ITGBL1: variants seen among roughly 807,000 people sequenced by gnomAD.
ITGBL1 encodes the protein integrin subunit beta like 1, also known as integrin beta-like protein 1.
In ITGBL1, 51 loss-of-function variants were observed where a neutral mutation model predicts 68.5. The observed-to-expected ratio is 0.74, with a 90% CI of 0.59 to 0.94. The LOEUF (loss-of-function observed/expected upper bound fraction) is 0.94. Among genes scored for constraint, ITGBL1 ranks in the 40% least tolerant of loss-of-function variants. The pLI is 0.00. For synonymous variants in ITGBL1, 209 were observed against 227.3 expected (o/e 0.92, Z 0.72); for missense variants, 649 against 647.4 (o/e 1.00, Z -0.03).
At chr13:101,453,779 G>A in intron 1 of ITGBL1, 104 bp from the exon 2 acceptor site, 1 of 675,312 alleles carries the variant, frequency 1.5e-6, no homozygotes, top group Non-Finnish European at 2.0e-6. Flanking sequence ...TCTTGGGGTT[G>A]TACGTCTGCA....
chr13:101,715,699 T>C lies in ITGBL1; in HGVS notation c.*45T>C, dbSNP rs748962462. 8.5e-6 allele frequency: 11 copies of C among 1,289,650 alleles called. No homozygotes were observed. Among genetic ancestry groups the C allele is most frequent in the East Asian group, 2.3e-5 (1 of 43,456 alleles). The allele number at this position is 1,289,650 out of a possible 1,614,324, so 79.9% of individuals were successfully genotyped here. A position where few individuals can be genotyped will look rare whatever the true frequency, so the allele number is the denominator to read the frequency against. ...TGGATTCTTATTTTTTCTGGGCCAT[T>C]AGAACAGATAAATGCGAAGGAAACC... On this transcript the variant is annotated 3_prime_UTR_variant, in exon 11 of 11. Transcript: ENST00000376180.
At chr13:101,567,250 G>A (rs1414849774) in intron 2 of ITGBL1, among the ~76,000 whole-genome samples, 13 of 152,014 alleles carry the variant, frequency 8.6e-5, no homozygotes, top group Non-Finnish European at 2.9e-5. Flanking sequence ...TGCTTAATTC[G>A]AGTTAACAGT....
At chr13:101,676,072 G>C (rs974583053) in intron 7 of ITGBL1, among the ~76,000 whole-genome samples, 6 of 107,198 alleles carry the variant, frequency 5.6e-5, no homozygotes, top group African/African-American at 1.6e-4. Context: ...AAAAGTAATA[G>C]ATATTTTAGT....
chr13:101,577,729 T>C (rs1398740195), intron 4 of ITGBL1, among the ~76,000 whole-genome samples: 1 of 152,158 alleles, frequency 6.6e-6, no homozygotes, highest in Non-Finnish European at 1.5e-5. Flanking sequence ...GCAATTAATA[T>C]ACACTATTGC....
chr13:101,484,846 A>C (rs1453418533), intron 2 of ITGBL1, among the ~76,000 whole-genome samples: 2 of 152,130 alleles, frequency 1.3e-5, no homozygotes, highest in Non-Finnish European at 2.9e-5. Flanking sequence ...AATTTGATGA[A>C]CATTGTATAT....
chr13:101,503,212 C>A (rs1271178683), intron 2 of ITGBL1, among the ~76,000 whole-genome samples: 1 of 152,232 alleles, frequency 6.6e-6, no homozygotes, highest in East Asian at 1.9e-4. Flanking sequence ...ATCTGGATCT[C>A]CTGAAAAAAT....
At chr13:101,552,519 A>G (rs113526768) in intron 2 of ITGBL1, among the ~76,000 whole-genome samples, 3 of 152,206 alleles carry the variant, frequency 2.0e-5, no homozygotes, top group Non-Finnish European at 2.9e-5. Context: ...GTTTTGTAGG[A>G]AAACTCTTGC....
chr13:101,532,071 A>T (rs2049492951), intron 2 of ITGBL1, among the ~76,000 whole-genome samples: 2 of 152,088 alleles, frequency 1.3e-5, no homozygotes, highest in Non-Finnish European at 1.5e-5. Flanking sequence ...AATATTCAAG[A>T]CATACAACAT....
At chr13:101,593,273 T>A (rs577846181) in intron 6 of ITGBL1, among the ~76,000 whole-genome samples, 20 of 151,964 alleles carry the variant, frequency 1.3e-4, no homozygotes, top group African/African-American at 4.6e-4. Flanking sequence ...AGAAAACAAA[T>A]GTTGGCAAGG....
intron 2 of ITGBL1, among the ~76,000 whole-genome samples, chr13:101,456,623 G>A (rs553960359): frequency 2.0e-4 from 30 of 152,242 alleles, no homozygotes; most frequent in East Asian, 1.9e-4. Flanking sequence ...GATTAAAAGT[G>A]TGGGCTCTGG....
At chr13:101,550,006 G>C (rs772984559) in intron 2 of ITGBL1, among the ~76,000 whole-genome samples, 28 of 152,050 alleles carry the variant, frequency 1.8e-4, no homozygotes, top group Non-Finnish European at 3.5e-4. Flanking sequence ...GTGGTAAATG[G>C]TCAAAAACTA....
At chr13:101,597,502 C>G (rs948705207) in intron 6 of ITGBL1, among the ~76,000 whole-genome samples, 2 of 149,378 alleles carry the variant, frequency 1.3e-5, no homozygotes, top group African/African-American at 4.9e-5. Context: ...AATTAATTGC[C>G]AAATCCACCA....
intron 8 of ITGBL1, among the ~76,000 whole-genome samples, chr13:101,705,915 C>A (rs560064924): frequency 6.6e-6 from 1 of 152,260 alleles, no homozygotes; most frequent in East Asian, 1.9e-4. Context: ...CTCAGTAACT[C>A]TTCGCTAGGC....
chr13:101,645,376 CTGTT>C (rs1594951302), intron 7 of ITGBL1, among the ~76,000 whole-genome samples: 1 of 152,170 alleles, frequency 6.6e-6, no homozygotes, highest in African/African-American at 2.4e-5. Context: ...TCAGTGGCTT[CTGTT>C]TCTTTTTCAT....
intron 2 of ITGBL1, among the ~76,000 whole-genome samples, chr13:101,505,813 A>G (rs1010966676): frequency 4.6e-5 from 7 of 152,164 alleles, no homozygotes; most frequent in African/African-American, 1.7e-4. Flanking sequence ...TGAACTAGCC[A>G]CTGAATAGGA....
intron 2 of ITGBL1, among the ~76,000 whole-genome samples, chr13:101,458,747 T>C (rs531539118): frequency 6.6e-6 from 1 of 152,210 alleles, no homozygotes; most frequent in Non-Finnish European, 1.5e-5. Context: ...GTAAATGCTA[T>C]GTAAATAGTT....
chr13:101,713,241 T>C (rs2034560404), intron 9 of ITGBL1: 1 of 152,232 alleles, frequency 6.6e-6, no homozygotes, highest in Non-Finnish European at 1.5e-5. Context: ...TCATGATATC[T>C]GTGATGACCA....
intron 2 of ITGBL1, among the ~76,000 whole-genome samples, chr13:101,524,501 T>C (rs1429639156): frequency 6.6e-6 from 1 of 152,044 alleles, no homozygotes; most frequent in African/African-American, 2.4e-5. Context: ...GGGAAAGATA[T>C]TGGTGGTCAT....
chr13:101,706,739 C>T lies in ITGBL1; in HGVS notation c.1133-17C>T, dbSNP rs2034272381. 1.2e-6 allele frequency: 2 copies of T among 1,611,474 alleles called. No homozygotes were observed. Among genetic ancestry groups the T allele is most frequent in the Admixed American group, 3.3e-5 (2 of 59,898 alleles). ...ATTTCCTCATCCTCTCACTCCTTTC[C>T]TGTGGTTGCTTCACAGGCCACGGCA... is the stretch of plus-strand genomic sequence containing the variant. On this transcript the variant is annotated splice_polypyrimidine_tract_variant and intron_variant, in intron 8 of 10. Coordinates refer to ENST00000376180, the MANE Select transcript of ITGBL1 (RefSeq NM_004791.3).
Sources: allele counts gnomAD v4.1 joint callset (sites outside exome capture counted in the v4.1 genomes callset), GRCh38; gene constraint gnomAD v4.1.1; transcripts MANE v1.5; gene names NCBI Gene and HGNC (gene_info 2026-07-23, HGNC 2026-07-21).